The following CNIH3 variants were observed in gnomAD, a reference collection of about 807,000 sequenced individuals.
CNIH3 encodes protein cornichon homolog 3.
A neutral mutation model predicts 24.1 loss-of-function variants in CNIH3; 14 were observed. The ratio of observed to expected loss-of-function variants is 0.58; its 90% confidence interval spans 0.38 to 0.91. CNIH3 has a LOEUF of 0.91. Ranked by LOEUF, CNIH3 falls within the 40% of genes least tolerant of loss-of-function variation. The probability of loss-of-function intolerance (pLI) is 0.00; values close to 1 mark genes in which losing one functional copy is unlikely to be tolerated. For missense variants in CNIH3, 178 were observed against 196.8 expected (o/e 0.90, Z 0.57); for synonymous variants, 68 against 73.8 (o/e 0.92, Z 0.40).
intron 1 of CNIH3, among the ~76,000 whole-genome samples, chr1:224,635,852 C>A (rs1684062443): frequency 6.6e-6 from 1 of 152,130 alleles, no homozygotes; most frequent in Non-Finnish European, 1.5e-5. Context: ...GCTGGGATTA[C>A]AGGTGTGTGC....
intron 1 of CNIH3, among the ~76,000 whole-genome samples, chr1:224,641,979 C>A (rs1365109462): frequency 6.6e-6 from 1 of 152,242 alleles, no homozygotes; most frequent in Non-Finnish European, 1.5e-5. Flanking sequence ...GCATGTGAAT[C>A]ACCAGAAAAC....
chr1:224,656,516 G>A (rs1258207275), intron 1 of CNIH3, among the ~76,000 whole-genome samples: 1 of 152,094 alleles, frequency 6.6e-6, no homozygotes, highest in East Asian at 1.9e-4. Flanking sequence ...TCTTATCTAG[G>A]ATCTTTGGCT....
intron 1 of CNIH3, among the ~76,000 whole-genome samples, chr1:224,679,233 G>A (rs931074660): frequency 2.6e-5 from 4 of 151,378 alleles, no homozygotes; most frequent in African/African-American, 4.9e-5. Flanking sequence ...CTAGCTACTC[G>A]AGAAGCTGAG....
At position 224,458,227 on chromosome 1, in the gene CNIH3, G is replaced by A. The variant is rs145567861; in HGVS notation, n.203+23365G>A. On this transcript the variant is annotated intron_variant and non_coding_transcript_variant, in intron 1 of 5. Coordinates refer to the CNIH3 transcript ENST00000471578. The surrounding 1 kb of genome is among the most constrained non-coding windows in gnomAD (Gnocchi z 4.3). Reference sequence around the variant, plus strand: ...CCAGAGCTGAGTAGAAACTGGTTCTGGGGCATCGTGTGGCTAGGGTGCCAA... The same window carrying A: ...CCAGAGCTGAGTAGAAACTGGTTCTAGGGCATCGTGTGGCTAGGGTGCCAA... 3.1e-3 allele frequency among the ~76,000 whole-genome samples: 468 copies of A among 152,308 alleles called. 1 individual carries two copies. Among genetic ancestry groups the A allele is most frequent in the African/African-American group, 0.01 (433 of 41,556 alleles).
chr1:224,529,994 G>C (rs747327282), intron 2 of CNIH3, among the ~76,000 whole-genome samples: 1 of 152,190 alleles, frequency 6.6e-6, no homozygotes, highest in Non-Finnish European at 1.5e-5. Flanking sequence ...CTGAGCGCTT[G>C]CTATGTACTG....
At chr1:224,665,222 C>G (rs1308024217) in intron 1 of CNIH3, among the ~76,000 whole-genome samples, 3 of 152,046 alleles carry the variant, frequency 2.0e-5, no homozygotes, top group Non-Finnish European at 4.4e-5. Context: ...CAGAACTGCC[C>G]TCTTGTACGC....
chr1:224,689,789 A>G (rs2125156837), intron 3 of CNIH3, among the ~76,000 whole-genome samples: 1 of 152,266 alleles, frequency 6.6e-6, no homozygotes, highest in African/African-American at 2.4e-5. Context: ...ATTATCAGAA[A>G]ATGTGTTCTT....
chr1:224,575,427 C>T (rs1340935025), intron 4 of CNIH3: 26 of 942,544 alleles, frequency 2.8e-5, no homozygotes, highest in East Asian at 2.5e-4. Context: ...TGACCTATAC[C>T]GTGTTTTCTG....
intron 1 of CNIH3, among the ~76,000 whole-genome samples, chr1:224,500,523 C>T (rs1245597786): frequency 6.6e-6 from 1 of 151,978 alleles, no homozygotes; most frequent in Non-Finnish European, 1.5e-5. Flanking sequence ...AATACAAAAA[C>T]TTAGTCAGGC....
At chr1:224,648,425 A>G (rs568812148) in intron 1 of CNIH3, among the ~76,000 whole-genome samples, 2 of 151,962 alleles carry the variant, frequency 1.3e-5, no homozygotes, top group African/African-American at 2.4e-5. Context: ...AAAAAAAAAA[A>G]AAAAGAAAAG....
chr1:224,434,987 C>T (rs1044179879), intron 1 of CNIH3: 3 of 985,442 alleles, frequency 3.0e-6, no homozygotes, highest in Admixed American at 6.1e-5. Flanking sequence ...CGACTCCTAT[C>T]CGATCCTATC....
chr1:224,646,737 G>A (rs189444213), intron 1 of CNIH3, among the ~76,000 whole-genome samples: 2 of 152,292 alleles, frequency 1.3e-5, no homozygotes, highest in East Asian at 3.9e-4. Flanking sequence ...GGCAAAAGGG[G>A]ACAAGGCTGA....
intron 1 of CNIH3, among the ~76,000 whole-genome samples, chr1:224,665,052 A>G (rs1364129062): frequency 2.6e-5 from 4 of 152,092 alleles, no homozygotes; most frequent in Admixed American, 6.5e-5. Flanking sequence ...GGTATTTCTG[A>G]TAAACCATCT....
chr1:224,660,916 G>A (rs1685321730), intron 1 of CNIH3, among the ~76,000 whole-genome samples: 2 of 152,116 alleles, frequency 1.3e-5, no homozygotes, highest in Admixed American at 6.5e-5. Flanking sequence ...GGCTCACCTT[G>A]GAGTATGTTT....
intron 1 of CNIH3, among the ~76,000 whole-genome samples, chr1:224,444,943 CTTTT>C (rs77862419): frequency 7.3e-6 from 1 of 136,204 alleles, no homozygotes; most frequent in Non-Finnish European, 1.6e-5. Context: ...ACGCCCGGCC[CTTTT>C]TTTTTTTTTT....
At chr1:224,679,737 A>T (rs541339689) in intron 1 of CNIH3, among the ~76,000 whole-genome samples, 9 of 152,314 alleles carry the variant, frequency 5.9e-5, no homozygotes, top group Non-Finnish European at 1.3e-4. Flanking sequence ...TGCTTTGTAG[A>T]GGGAAGTTGT....
chr1:224,586,844 A>C (rs539079463), intron 5 of CNIH3, among the ~76,000 whole-genome samples: 3 of 152,300 alleles, frequency 2.0e-5, no homozygotes, highest in African/African-American at 7.2e-5. Flanking sequence ...AGATGGAGGC[A>C]GAGATTGGAG....
intron 1 of CNIH3, among the ~76,000 whole-genome samples, chr1:224,505,443 A>G (rs904616968): frequency 2.0e-5 from 3 of 152,222 alleles, no homozygotes; most frequent in African/African-American, 7.2e-5. Flanking sequence ...GTTACTTCAC[A>G]ATGATGACAT....
chr1:224,475,088 G>A (rs528111671), intron 1 of CNIH3, among the ~76,000 whole-genome samples: 129 of 149,562 alleles, frequency 8.6e-4, no homozygotes, highest in Non-Finnish European at 1.6e-3. Context: ...GGCTGGGCGC[G>A]GTGGCTCAGC....
Sources: gnomAD v4.1 joint callset for allele counts (sites outside exome capture counted in the v4.1 genomes callset) on GRCh38, gnomAD v4.1.1 for gene constraint, Gnocchi (gnomAD v3.1) non-coding constraint, MANE v1.5 for transcripts, NCBI Gene and HGNC (gene_info 2026-07-23, HGNC 2026-07-21) for gene names.